The following IMPG2 variants were observed in gnomAD, a reference collection of about 807,000 sequenced individuals.
IMPG2 encodes the protein interphotoreceptor matrix proteoglycan 2, also known as IPM 200.
In IMPG2, 91 loss-of-function variants were observed where a neutral mutation model predicts 129.2. That is an observed-to-expected ratio of 0.70 (90% confidence interval 0.59 to 0.84). The LOEUF (loss-of-function observed/expected upper bound fraction) is 0.84, where lower values mean the gene tolerates loss of function less well. Among genes scored for constraint, IMPG2 ranks in the 40% least tolerant of loss-of-function variants. The pLI is 0.00. For missense variants in IMPG2, 1,430 were observed against 1,461.7 expected (o/e 0.98, Z 0.35); for synonymous variants, 510 against 517.7 (o/e 0.99, Z 0.20).
In IMPG2 at chr3:101,231,144, A is replaced by C; in HGVS notation, c.3235T>G (p.Cys1079Gly). Residue 1079 changes from cysteine (C) to glycine (G), a missense_variant and splice_region_variant, in exon 16 of 19, where the codon TGC (cysteine) becomes GGC (glycine). By Grantham distance (159) the Cys-to-Gly change is radical (BLOSUM62 -3). Coordinates refer to ENST00000193391, the MANE Select transcript of IMPG2 (RefSeq NM_016247.4). The part of the protein sequence containing the change: ...IMPGHGAICR[C>G]RVGENWWYRG... ...TACCACCAGTTCTCACCCACCCGGC[A>C]CCTGCAACCAACAGTCACCAAGTCC... 6.2e-7 allele frequency: 1 copy of C among 1,613,950 alleles called. No homozygotes were observed. Among genetic ancestry groups the C allele is most frequent in the Non-Finnish European group, 8.5e-7 (1 of 1,179,976 alleles).
intron 9 of IMPG2, among the ~76,000 whole-genome samples, chr3:101,261,674 T>A (rs972396974): frequency 6.6e-6 from 1 of 152,098 alleles, no homozygotes; most frequent in African/African-American, 2.4e-5. Flanking sequence ...AAATAAGTGC[T>A]TGAGATACCA....
At chr3:101,248,650 T>C (rs963922975) in intron 11 of IMPG2, among the ~76,000 whole-genome samples, 1 of 152,182 alleles carries the variant, frequency 6.6e-6, no homozygotes, top group Non-Finnish European at 1.5e-5. Flanking sequence ...ACAGGAAAGA[T>C]GGTAATAACA....
chr3:101,258,750 G>A (rs1365400714), intron 9 of IMPG2, among the ~76,000 whole-genome samples: 3 of 152,148 alleles, frequency 2.0e-5, no homozygotes, highest in African/African-American at 4.8e-5. Flanking sequence ...ATGAGTTGAT[G>A]TGTTGACATT....
intron 4 of IMPG2, among the ~76,000 whole-genome samples, chr3:101,278,339 G>A (rs552992897): frequency 3.9e-5 from 6 of 152,296 alleles, no homozygotes; most frequent in South Asian, 4.1e-4. Flanking sequence ...GCCCAGGTCT[G>A]TGATGTGCCC....
At chr3:101,234,939 A>C (rs1706329720) in intron 14 of IMPG2, among the ~76,000 whole-genome samples, 1 of 152,218 alleles carries the variant, frequency 6.6e-6, no homozygotes, top group African/African-American at 2.4e-5. Flanking sequence ...TTGGATTTCA[A>C]ATTTTTCAGA....
At chr3:101,309,998 A>C (rs1410206997) in intron 2 of IMPG2, among the ~76,000 whole-genome samples, 2 of 152,204 alleles carry the variant, frequency 1.3e-5, no homozygotes, top group Non-Finnish European at 2.9e-5. Flanking sequence ...AATGGTTCAA[A>C]GAGTGGTCAC....
chr3:101,253,767 G>C lies in IMPG2; in HGVS notation c.1168C>G (p.Arg390Gly). 1.2e-6 allele frequency: 2 copies of C among 1,609,132 alleles called. No individual in the cohort carries two copies. The highest frequency in any genetic ancestry group is 1.7e-6 in the Non-Finnish European group (2 of 1,176,948). The change falls in exon 11 of 19, where the codon CGT becomes GGT. Residue 390 changes from arginine (R) to glycine (G), a missense_variant. Coordinates refer to ENST00000193391, the MANE Select transcript of IMPG2 (RefSeq NM_016247.4). ...LQLINVRGVL[R>G]HQTEDLVWNT... ...CAAACTAGATCTTCAGTTTGGTGACGCAAAACTCCTCTCACTGAGGAAAGA... is the reference window on the plus strand; with the variant it reads ...CAAACTAGATCTTCAGTTTGGTGACCCAAAACTCCTCTCACTGAGGAAAGA...
chr3:101,229,731 T>A, intron 16 of IMPG2, 141 bp from the exon 17 acceptor site: 1 of 755,340 alleles, frequency 1.3e-6, no homozygotes, highest in East Asian at 2.7e-5. Flanking sequence ...GAAAAACATC[T>A]AGATCAACCT....
At chr3:101,229,821 A>G (rs938454605) in intron 16 of IMPG2, among the ~76,000 whole-genome samples, 1 of 152,206 alleles carries the variant, frequency 6.6e-6, no homozygotes, top group African/African-American at 2.4e-5. Context: ...TCCATGTCTC[A>G]TTCATCTTAT....
At chr3:101,275,529 G>C (rs2107252791) in intron 6 of IMPG2, 134 bp downstream of exon 6, 1 of 716,452 alleles carries the variant, frequency 1.4e-6, no homozygotes, top group Admixed American at 2.1e-5. Context: ...TAATGTACTG[G>C]TTTTAGGATC....
intron 4 of IMPG2, among the ~76,000 whole-genome samples, chr3:101,285,321 GAC>G (rs1266474776): frequency 6.6e-6 from 1 of 152,128 alleles, no homozygotes; most frequent in Admixed American, 6.6e-5. Context: ...CTGACAGAAA[GAC>G]ACACAGGGAT....
intron 15 of IMPG2, among the ~76,000 whole-genome samples, chr3:101,231,626 A>T (rs9816469): frequency 1.3e-5 from 2 of 152,176 alleles, no homozygotes. Context: ...CTGGACATGA[A>T]GGGACTGTTT....
At chr3:101,311,170 A>G (rs1306731126) in intron 2 of IMPG2, among the ~76,000 whole-genome samples, 2 of 103,534 alleles carry the variant, frequency 1.9e-5, no homozygotes, top group Non-Finnish European at 4.3e-5. Flanking sequence ...AAAATCTACT[A>G]CAACTAGGTA....
intron 16 of IMPG2, 52 bp from the exon 17 acceptor site, chr3:101,229,642 T>C (rs758899711): frequency 9.6e-5 from 142 of 1,473,350 alleles, no homozygotes; most frequent in Non-Finnish European, 1.3e-4. Context: ...CTCAACTATG[T>C]GGAAGACTAT....
At chr3:101,242,142 T>C (rs192499080) in intron 14 of IMPG2, among the ~76,000 whole-genome samples, 1 of 152,038 alleles carries the variant, frequency 6.6e-6, no homozygotes, top group East Asian at 1.9e-4. Flanking sequence ...TAGATTTAGC[T>C]GGAGAGTGGT....
At chr3:101,227,953 G>A in intron 18 of IMPG2, 2 of 424,600 alleles carry the variant, frequency 4.7e-6, no homozygotes, top group East Asian at 1.4e-4. Flanking sequence ...TCTCTTATAA[G>A]CATGCATGAA....
chr3:101,271,938 G>A (rs528205459), intron 7 of IMPG2, among the ~76,000 whole-genome samples: 7 of 152,164 alleles, frequency 4.6e-5, no homozygotes, highest in Admixed American at 2.0e-4. Context: ...ATAGAAAGTC[G>A]CCTGTGGAGC....
intron 4 of IMPG2, among the ~76,000 whole-genome samples, chr3:101,281,985 A>C (rs973083812): frequency 6.6e-6 from 1 of 152,180 alleles, no homozygotes; most frequent in Non-Finnish European, 1.5e-5. Flanking sequence ...CTATAAGATA[A>C]TCTATGTTGT....
At position 101,244,526 on chromosome 3, in the gene IMPG2, C is replaced by A. The variant is rs999737529; in HGVS notation, c.1805G>T (p.Gly602Val). The A allele has an allele frequency of 4.4e-6, 7 of 1,600,600 alleles. No individual in the cohort carries two copies. The highest frequency in any genetic ancestry group is 6.0e-6 in the Non-Finnish European group (7 of 1,172,952). The change falls in exon 13 of 19, where the codon GGT becomes GTT. Residue 602 changes from glycine to valine, a missense_variant. Physicochemically the swap from Gly to Val is moderately radical, Grantham distance 109. Transcript: ENST00000193391. ...ATCTACCTTTTGCCCAGACCCTGAA[C>A]CTAAACCACCGTCAAATATTAACTC... ...EKELIFDGGL[G>V]SGSGQKVDLI...
Sources: allele counts gnomAD v4.1 joint callset (sites outside exome capture counted in the v4.1 genomes callset), GRCh38; gene constraint gnomAD v4.1.1; transcripts MANE v1.5; gene names NCBI Gene and HGNC (gene_info 2026-07-23, HGNC 2026-07-21).